TMC1: variants seen among roughly 807,000 people sequenced by gnomAD.
The protein encoded by TMC1 is transmembrane channel-like protein 1.
Under a neutral mutation model 105.8 loss-of-function variants are expected in TMC1, and 84 were observed. The observed-to-expected ratio is 0.79, with a 90% CI of 0.67 to 0.95. The LOEUF (loss-of-function observed/expected upper bound fraction) is 0.95, where lower values mean the gene tolerates loss of function less well. Ranked by LOEUF, TMC1 falls within the 40% of genes least tolerant of loss-of-function variation. The probability of loss-of-function intolerance (pLI) is 0.00; values close to 1 mark genes in which losing one functional copy is unlikely to be tolerated. For synonymous variants in TMC1, 315 were observed against 311.5 expected, an observed-to-expected ratio of 1.01 and a Z score of -0.12; for missense variants, 817 against 914.1, an observed-to-expected ratio of 0.89 and a Z score of 1.37.
chr9:72,536,705 G>C (rs1033023156), intron 1 of TMC1, among the ~76,000 whole-genome samples: 2 of 152,210 alleles, frequency 1.3e-5, no homozygotes, highest in African/African-American at 4.8e-5. Context: ...AGTAGTGTGA[G>C]GGGTGGGTCC....
intron 2 of TMC1, among the ~76,000 whole-genome samples, chr9:72,612,534 C>T (rs1311904991): frequency 6.6e-6 from 1 of 151,546 alleles, no homozygotes; most frequent in Non-Finnish European, 1.5e-5. Context: ...GTGAGTTATA[C>T]AATCTGTGTT....
intron 17 of TMC1, among the ~76,000 whole-genome samples, chr9:72,795,718 A>G (rs1226352525): frequency 6.6e-6 from 1 of 152,198 alleles, no homozygotes; most frequent in Non-Finnish European, 1.5e-5. Context: ...GACCAGTGAC[A>G]CTGTAAAGCA....
At chr9:72,765,552 A>G (rs1827816212) in intron 12 of TMC1, among the ~76,000 whole-genome samples, 1 of 151,424 alleles carries the variant, frequency 6.6e-6, no homozygotes, top group South Asian at 2.1e-4. Context: ...GGCATGAGAT[A>G]GTGCTATGCT....
chr9:72,610,373 C>A, intron 2 of TMC1, among the ~76,000 whole-genome samples: 1 of 152,020 alleles, frequency 6.6e-6, no homozygotes, highest in Admixed American at 6.6e-5. Context: ...AGCTAGAGAC[C>A]CAGGAGAACC....
intron 2 of TMC1, chr9:72,607,667 C>T (rs1415980824): frequency 6.7e-6 from 1 of 149,748 alleles, no homozygotes; most frequent in Non-Finnish European, 1.5e-5. Context: ...TTATTTTAGG[C>T]TGGGCATGGT....
At chr9:72,633,434 G>A (rs932378772) in intron 4 of TMC1, among the ~76,000 whole-genome samples, 1 of 152,154 alleles carries the variant, frequency 6.6e-6, no homozygotes, top group African/African-American at 2.4e-5. Context: ...GTAACCAGGT[G>A]CTGCCAAAAT....
At chr9:72,619,606 A>G (rs1825205002) in intron 3 of TMC1, among the ~76,000 whole-genome samples, 1 of 151,980 alleles carries the variant, frequency 6.6e-6, no homozygotes, top group Non-Finnish European at 1.5e-5. Flanking sequence ...TACAGTTAGC[A>G]TGTATAATTT....
chr9:72,523,741 T>C (rs1007078169), intron 1 of TMC1, among the ~76,000 whole-genome samples: 1 of 151,970 alleles, frequency 6.6e-6, no homozygotes, highest in African/African-American at 2.4e-5. Context: ...GTAGCTTTCG[T>C]TGAAAGAAAT....
intron 19 of TMC1, 48 bp downstream of exon 19, chr9:72,816,258 G>T (rs1340587729): frequency 1.9e-6 from 3 of 1,560,876 alleles, no homozygotes; most frequent in Middle Eastern, 1.7e-4. Context: ...AGCCTCCCAG[G>T]TTATTTTTGC....
At chr9:72,669,715 G>A (rs1395266983) in intron 5 of TMC1, among the ~76,000 whole-genome samples, 1 of 150,280 alleles carries the variant, frequency 6.7e-6, no homozygotes, top group African/African-American at 2.4e-5. Flanking sequence ...CATATGACTT[G>A]AAAAAAAGAA....
intron 13 of TMC1, among the ~76,000 whole-genome samples, chr9:72,780,940 C>T (rs1828086051): frequency 1.3e-5 from 2 of 152,132 alleles, no homozygotes; most frequent in South Asian, 2.1e-4. Flanking sequence ...GTATTTGGGA[C>T]CTGAACTCAA....
chr9:72,617,528 A>T (rs1244457945), intron 3 of TMC1, among the ~76,000 whole-genome samples: 1 of 152,174 alleles, frequency 6.6e-6, no homozygotes, highest in Admixed American at 6.5e-5. Context: ...CAAGTTGTAA[A>T]TATATTAAAT....
At chr9:72,824,620 C>T (rs1301187776) in intron 20 of TMC1, among the ~76,000 whole-genome samples, 1 of 152,188 alleles carries the variant, frequency 6.6e-6, no homozygotes, top group African/African-American at 2.4e-5. Context: ...CCTCTACCAA[C>T]TGAGTCTGTG....
At chr9:72,765,065 CA>C (rs1159704744) in intron 12 of TMC1, among the ~76,000 whole-genome samples, 3 of 152,058 alleles carry the variant, frequency 2.0e-5, no homozygotes, top group Non-Finnish European at 4.4e-5. Flanking sequence ...GGCAGATGGG[CA>C]AAAAATTTTT....
At chr9:72,834,130 C>T (rs1206125776) in intron 23 of TMC1, among the ~76,000 whole-genome samples, 2 of 151,092 alleles carry the variant, frequency 1.3e-5, no homozygotes, top group African/African-American at 4.9e-5. Context: ...TAAATTTTAA[C>T]ATTTCTCTTG....
Position 72,616,449 on chromosome 9 carries a change from T to C in TMC1, c.-224T>C, listed in dbSNP as rs1198555622. On this transcript the variant is annotated 5_prime_UTR_variant, in exon 3 of 24. An upstream open reading frame in the 5' UTR loses its in-frame stop. Coordinates refer to ENST00000297784, the MANE Select transcript of TMC1 (RefSeq NM_138691.3). ...TTTGAATCTCAGCTCTACTGTTTAC[T>C]AGACATGAAATGGGGAAATCTAAAA... The C allele has an allele frequency of 2.0e-5, 3 of 152,040 alleles. No homozygotes were observed. Among genetic ancestry groups the C allele is most frequent in the African/African-American group, 7.2e-5 (3 of 41,382 alleles). 9.4% of individuals were successfully genotyped at this position (152,040 alleles called of 1,614,324 possible).
intron 8 of TMC1, among the ~76,000 whole-genome samples, chr9:72,731,996 T>C (rs1827218398): frequency 1.3e-5 from 2 of 152,184 alleles, no homozygotes; most frequent in Non-Finnish European, 2.9e-5. Flanking sequence ...GTAAATTCCT[T>C]ACAGAAAAGC....
intron 8 of TMC1, 70 bp downstream of exon 8, chr9:72,700,713 CATATATATATATATATAT>C (rs72200654): frequency 1.8e-4 from 58 of 321,050 alleles, no homozygotes; most frequent in South Asian, 2.9e-4. Context: ...CTGAATATTC[CATATATATATATATATAT>C]ATATATATAT....
chr9:72,738,349 A>G (rs1159531369), intron 8 of TMC1, among the ~76,000 whole-genome samples: 2 of 152,074 alleles, frequency 1.3e-5, no homozygotes, highest in African/African-American at 4.8e-5. Context: ...GTCACTGTGT[A>G]TTGCAAAATT....
Sources: allele counts gnomAD v4.1 joint callset (sites outside exome capture counted in the v4.1 genomes callset), GRCh38; gene constraint gnomAD v4.1.1; transcripts MANE v1.5; gene names NCBI Gene and HGNC (gene_info 2026-07-23, HGNC 2026-07-21).